Variants in MTHFD2 observed in about 807,000 individuals in gnomAD.
MTHFD2 encodes methylenetetrahydrofolate dehydrogenase (NADP+ dependent) 2, methenyltetrahydrofolate cyclohydrolase.
In MTHFD2, 26 loss-of-function variants were observed where a neutral mutation model predicts 36.8. The ratio of observed to expected loss-of-function variants is 0.71; its 90% CI spans 0.52 to 0.98. The LOEUF (loss-of-function observed/expected upper bound fraction) is 0.98. Ranked by LOEUF, MTHFD2 falls within the 50% of genes least tolerant of loss-of-function variation. MTHFD2 has a pLI of 0.00. For missense variants in MTHFD2, 373 were observed against 434.0 expected, an observed-to-expected ratio of 0.86 and a Z score of 1.25; for synonymous variants, 164 against 155.2, an observed-to-expected ratio of 1.06 and a Z score of -0.42.
At chr2:74,212,309 A>T (rs1694327512) in intron 7 of MTHFD2, among the ~76,000 whole-genome samples, 1 of 116,772 alleles carries the variant, frequency 8.6e-6, no homozygotes, top group South Asian at 2.7e-4. Context: ...TCTGTCACCC[A>T]GGCTGGAGTG....
At chr2:74,200,242 CT>C (rs1694013332) in intron 1 of MTHFD2, among the ~76,000 whole-genome samples, 1 of 152,146 alleles carries the variant, frequency 6.6e-6, no homozygotes, top group South Asian at 2.1e-4. Context: ...TGGACCAGAC[CT>C]TTCCTAGGCT....
intron 1 of MTHFD2, among the ~76,000 whole-genome samples, chr2:74,203,370 T>C (rs985177200): frequency 1.3e-5 from 2 of 152,246 alleles, no homozygotes; most frequent in Non-Finnish European, 2.9e-5. Context: ...ATATATAAGA[T>C]TATTGCATTA....
intron 5 of MTHFD2, among the ~76,000 whole-genome samples, chr2:74,210,634 G>C (rs1285108197): frequency 2.0e-5 from 3 of 152,126 alleles, no homozygotes; most frequent in African/African-American, 4.8e-5. Flanking sequence ...TTCTTGAAAG[G>C]CTTTAAAAAT....
At chr2:74,202,317 C>G (rs1055332251) in intron 1 of MTHFD2, among the ~76,000 whole-genome samples, 1 of 151,900 alleles carries the variant, frequency 6.6e-6, no homozygotes, top group African/African-American at 2.4e-5. Context: ...AACATATATG[C>G]CTGGCACATT....
chr2:74,209,327 C>T (rs985656214), intron 4 of MTHFD2, among the ~76,000 whole-genome samples: 1 of 151,660 alleles, frequency 6.6e-6, no homozygotes, highest in Non-Finnish European at 1.5e-5. Context: ...ACTGCAAGCT[C>T]CACCTCCTGA....
chr2:74,201,052 A>G (rs914850648), intron 1 of MTHFD2, among the ~76,000 whole-genome samples: 8 of 152,130 alleles, frequency 5.3e-5, no homozygotes, highest in Non-Finnish European at 1.0e-4. Flanking sequence ...CAATGGTGCA[A>G]TCTTGGCTCA....
chr2:74,211,173 C>G (rs773501867), intron 5 of MTHFD2, 26 bp from the exon 6 acceptor site: 5 of 1,445,666 alleles, frequency 3.5e-6, no homozygotes, highest in Non-Finnish European at 4.9e-6. Flanking sequence ...TGTCAGAAAT[C>G]AAGACATCTA....
chr2:74,202,992 G>C (rs1694075217), intron 1 of MTHFD2, among the ~76,000 whole-genome samples: 1 of 152,108 alleles, frequency 6.6e-6, no homozygotes, highest in African/African-American at 2.4e-5. Context: ...TTGATTTGCT[G>C]TAAGATTGTA....
Position 74,208,716 on chromosome 2 carries a change from GA to G in MTHFD2, c.559del (p.Thr187LeufsTer6). On this transcript the variant is annotated frameshift_variant, in exon 4 of 8. Coordinates refer to ENST00000394053, the MANE Select transcript of MTHFD2 (RefSeq NM_006636.4). LOFTEE classifies it high-confidence loss of function. Reference sequence around the variant, plus strand: ...TGGGGTGTGTGGGAAATAATCAAGCGAACTGGTAGGTATATCCCAGAATTGC... The same window carrying G: ...TGGGGTGTGTGGGAAATAATCAAGCGACTGGTAGGTATATCCCAGAATTGC... ...TPWGVWEIIK[R>X]TGIPTLGKNV... 1 of 1,613,808 alleles carries G rather than the reference GA, an allele frequency of 6.2e-7. No individual in the cohort carries two copies. Among genetic ancestry groups the G allele is most frequent in the Non-Finnish European group, 8.5e-7 (1 of 1,179,858 alleles).
intron 2 of MTHFD2, chr2:74,206,309 C>A (rs1322914054): frequency 6.4e-6 from 1 of 155,540 alleles, no homozygotes; most frequent in Admixed American, 6.2e-5. Flanking sequence ...AGGTCAGGAA[C>A]ACAGTCGTAG....
At chr2:74,207,296 T>C (rs1694207060) in intron 2 of MTHFD2, among the ~76,000 whole-genome samples, 1 of 152,086 alleles carries the variant, frequency 6.6e-6, no homozygotes. Context: ...GCCTGGCTAA[T>C]TTTTTGTATT....
At chr2:74,210,120 C>A in intron 5 of MTHFD2, 71 bp downstream of exon 5, 3 of 1,277,190 alleles carry the variant, frequency 2.3e-6, no homozygotes, top group Non-Finnish European at 3.3e-6. Context: ...CCATCCTGTG[C>A]ATGTTTGGAA....
chr2:74,200,196 T>G (rs139079158), intron 1 of MTHFD2, among the ~76,000 whole-genome samples: 15 of 152,146 alleles, frequency 9.9e-5, no homozygotes, highest in African/African-American at 3.6e-4. Flanking sequence ...TTTTCTCCCC[T>G]TCTCCCTCTT....
Position 74,214,872 on chromosome 2 carries a change from C to G in MTHFD2, c.*630C>G, listed in dbSNP as rs895193541. ...GGAAAATGTTTAGGATTATTCCTTG[C>G]TATTAGTACTCATTTTATGTATGTT... On this transcript the variant is annotated 3_prime_UTR_variant, in exon 8 of 8. Coordinates refer to ENST00000394053, the MANE Select transcript of MTHFD2 (RefSeq NM_006636.4). The G allele has an allele frequency of 2.6e-5, 4 of 152,208 alleles. No homozygotes were observed. The highest frequency in any genetic ancestry group is 4.8e-5 in the African/African-American group (2 of 41,434). 9.4% of individuals were successfully genotyped at this position (152,208 alleles called of 1,614,324 possible).
Position 74,211,879 on chromosome 2 carries a change from A to G in MTHFD2, c.889+13A>G. The G allele has an allele frequency of 6.3e-7, 1 of 1,599,818 alleles. No homozygotes were observed. The highest frequency in any genetic ancestry group is 2.3e-4 in the Middle Eastern group (1 of 4,386). Reference sequence around the variant, plus strand: ...GTGGATTTTGAAGGTAAATGGTGAAATTTTATTTTTAAAAATGAAATCAAT... The same window carrying G: ...GTGGATTTTGAAGGTAAATGGTGAAGTTTTATTTTTAAAAATGAAATCAAT... On this transcript the variant is annotated intron_variant, in intron 7 of 7. Transcript: ENST00000394053.
chr2:74,214,942 G>A lies in MTHFD2; in HGVS notation c.*700G>A, dbSNP rs966322161. 3.9e-5 allele frequency: 6 copies of A among 152,470 alleles called. No individual in the cohort carries two copies. The highest frequency in any genetic ancestry group is 1.2e-4 in the African/African-American group (5 of 41,428). The allele number at this position is 152,470 out of a possible 1,614,324, so 9.4% of individuals were successfully genotyped here. A position where few individuals can be genotyped will look rare whatever the true frequency, so the allele number is the denominator to read the frequency against. ...CCATTTTAGTTTTCTAGGACTGAAA[G>A]GATTCTTTTCTACATTATACATGTG... On this transcript the variant is annotated 3_prime_UTR_variant, in exon 8 of 8. Transcript: ENST00000394053.
chr2:74,207,081 A>G (rs995150385), intron 2 of MTHFD2, among the ~76,000 whole-genome samples: 4 of 151,794 alleles, frequency 2.6e-5, no homozygotes, highest in Non-Finnish European at 4.4e-5. Context: ...AAAAAAGAAC[A>G]TGGATTTTGG....
At chr2:74,213,032 G>A (rs1181269444) in intron 7 of MTHFD2, among the ~76,000 whole-genome samples, 1 of 151,778 alleles carries the variant, frequency 6.6e-6, no homozygotes, top group Admixed American at 6.6e-5. Flanking sequence ...AGCCACCCAA[G>A]TAGCTGGGAT....
intron 1 of MTHFD2, among the ~76,000 whole-genome samples, chr2:74,204,699 C>T (rs900215028): frequency 3.3e-5 from 5 of 152,164 alleles, no homozygotes; most frequent in Admixed American, 1.3e-4. Context: ...GAGCACATTG[C>T]CAACTGTGAG....
Sources: allele counts gnomAD v4.1 joint callset (sites outside exome capture counted in the v4.1 genomes callset), GRCh38; gene constraint gnomAD v4.1.1; transcripts MANE v1.5; gene names NCBI Gene and HGNC (gene_info 2026-07-23, HGNC 2026-07-21).